Variants in PAX5 observed in about 807,000 individuals in gnomAD.
PAX5 encodes the protein paired box protein Pax-5.
In PAX5, 9 loss-of-function variants were observed where a neutral mutation model predicts 43.7. The ratio of observed to expected loss-of-function variants is 0.21; its 90% CI spans 0.12 to 0.36. The LOEUF is 0.36. Among genes scored for constraint, PAX5 ranks in the 10% least tolerant of loss-of-function variants. The pLI, the probability that PAX5 is intolerant of heterozygous loss-of-function variation, is 1.00. For synonymous variants in PAX5, 228 were observed against 214.3 expected, an observed-to-expected ratio of 1.06 and a Z score of -0.56; for missense variants, 383 against 532.7, an observed-to-expected ratio of 0.72 and a Z score of 2.77.
At chr9:36,873,427 A>G (rs558818215) in intron 8 of PAX5, among the ~76,000 whole-genome samples, 1 of 152,186 alleles carries the variant, frequency 6.6e-6, no homozygotes, top group Admixed American at 6.5e-5. Context: ...CCCCAGGGTC[A>G]AGTCTGTGTT....
rs992926794 is a variant in PAX5 at position 36,961,734 on chromosome 9, C to T, written c.780+4815G>A. ...CGCCGGAGGAGGGACCCGCTCCCAA[C>T]AGGAGCGCTGCGCCGACGACAACGT... is the stretch of plus-strand genomic sequence containing the variant. On this transcript the variant is annotated intron_variant, in intron 6 of 9. Coordinates refer to ENST00000358127, the MANE Select transcript of PAX5 (RefSeq NM_016734.3). Among the ~76,000 whole-genome samples the T allele has an allele frequency of 2.6e-5, 4 of 152,304 alleles. No individual in the cohort carries two copies. The East Asian group carries it at 7.7e-4, about 29-fold the overall frequency.
intron 7 of PAX5, among the ~76,000 whole-genome samples, chr9:36,919,297 A>G (rs1281460663): frequency 1.3e-5 from 2 of 152,214 alleles, no homozygotes; most frequent in Non-Finnish European, 2.9e-5. Context: ...CTGCTTATTG[A>G]CAATGCACCT....
rs1335750768 is a variant in PAX5 at position 36,835,460 on chromosome 9, C to T, written c.*5100G>A. On this transcript the variant is annotated 3_prime_UTR_variant, in exon 10 of 10. Coordinates refer to ENST00000358127, the MANE Select transcript of PAX5 (RefSeq NM_016734.3). ...GAGGCCCTTGGGACCTGGCGCCACA[C>T]GAGGTGCAGCCGAGCTGACAGTGGG... 5 of 232,552 alleles carry T rather than the reference C, an allele frequency of 2.2e-5. No individual in the cohort carries two copies. In the South Asian group the frequency reaches 5.4e-4, roughly 25 times the overall value. The allele number at this position is 232,552 out of a possible 1,614,324, so 14.4% of individuals were successfully genotyped here.
intron 9 of PAX5, 55 bp downstream of exon 9, chr9:36,846,788 C>G (rs1822618950): frequency 7.5e-7 from 1 of 1,324,538 alleles, no homozygotes; most frequent in Non-Finnish European, 1.1e-6. Flanking sequence ...GTGAGGAGGC[C>G]TGGATGGGGT....
intron 7 of PAX5, among the ~76,000 whole-genome samples, chr9:36,890,727 A>G (rs1827306676): frequency 6.6e-6 from 1 of 152,040 alleles, no homozygotes; most frequent in African/African-American, 2.4e-5. Flanking sequence ...TGGCCTCCAC[A>G]CTCTTGCCCA....
intron 8 of PAX5, among the ~76,000 whole-genome samples, chr9:36,851,322 A>T (rs754893349): frequency 6.6e-6 from 1 of 152,174 alleles, no homozygotes; most frequent in Non-Finnish European, 1.5e-5. Context: ...GTAGAAGAAC[A>T]TTGAAGAAGT....
chr9:36,970,747 C>T (rs532325731), intron 5 of PAX5, among the ~76,000 whole-genome samples: 4 of 152,180 alleles, frequency 2.6e-5, no homozygotes, highest in African/African-American at 9.6e-5. Context: ...CCAGACACAG[C>T]CAGAAGCACA....
intron 5 of PAX5, among the ~76,000 whole-genome samples, chr9:36,978,509 A>G (rs1428267474): frequency 6.6e-6 from 1 of 152,088 alleles, no homozygotes; most frequent in African/African-American, 2.4e-5. Context: ...CACAGAAATA[A>G]ATAAATAAAT....
chr9:36,933,338 G>T (rs528687257), intron 6 of PAX5, among the ~76,000 whole-genome samples: 1 of 152,256 alleles, frequency 6.6e-6, no homozygotes, highest in South Asian at 2.1e-4. Flanking sequence ...TCTTCCTGGT[G>T]CCCTGCCCTG....
At chr9:36,857,402 C>T (rs1563897863) in intron 8 of PAX5, among the ~76,000 whole-genome samples, 1 of 152,172 alleles carries the variant, frequency 6.6e-6, no homozygotes. Flanking sequence ...CAGAGCTAGG[C>T]CCCCAGTAAG....
At position 37,025,597 on chromosome 9, in the gene PAX5, C is replaced by T. The variant is rs761260460; in HGVS notation, c.47-4796G>A. Among the ~76,000 whole-genome samples, 42 of 152,358 alleles carry T rather than the reference C, an allele frequency of 2.8e-4. 1 individual carries two copies. Among genetic ancestry groups the T allele is most frequent in the African/African-American group, 6.5e-4 (27 of 41,588 alleles). ...CAGAAAGGAAACGCGATTCGTTCCA[C>T]TTGGAATTTCCTTGAAATCTCCGAA... On this transcript the variant is annotated intron_variant, in intron 1 of 9. Coordinates refer to ENST00000358127, the MANE Select transcript of PAX5 (RefSeq NM_016734.3).
At chr9:36,893,281 A>T (rs958012121) in intron 7 of PAX5, among the ~76,000 whole-genome samples, 2 of 152,192 alleles carry the variant, frequency 1.3e-5, no homozygotes, top group Admixed American at 1.3e-4. Context: ...TCTCGCGTTC[A>T]AGGACAGCAT....
At chr9:36,995,528 A>G (rs1210347360) in intron 5 of PAX5, among the ~76,000 whole-genome samples, 1 of 152,200 alleles carries the variant, frequency 6.6e-6, no homozygotes, top group Non-Finnish European at 1.5e-5. Context: ...GGCTGTCAAC[A>G]GTGGGGATGG....
At chr9:36,974,395 CA>C (rs1490103367) in intron 5 of PAX5, among the ~76,000 whole-genome samples, 1 of 152,120 alleles carries the variant, frequency 6.6e-6, no homozygotes, top group Non-Finnish European at 1.5e-5. Context: ...GGCACTGAGC[CA>C]AGTTATTTGT....
chr9:36,845,605 TCC>T (rs1184984599), intron 9 of PAX5, among the ~76,000 whole-genome samples: 1 of 152,096 alleles, frequency 6.6e-6, no homozygotes, highest in African/African-American at 2.4e-5. Context: ...TCTTATTGAA[TCC>T]CCAAGTCATG....
chr9:36,895,350 C>T (rs1476483935), intron 7 of PAX5, among the ~76,000 whole-genome samples: 3 of 152,176 alleles, frequency 2.0e-5, no homozygotes, highest in East Asian at 1.9e-4. Context: ...GCCTTACTTG[C>T]GTCACCTCAT....
At chr9:37,026,107 C>A (rs1396739604) in intron 1 of PAX5, among the ~76,000 whole-genome samples, 1 of 152,244 alleles carries the variant, frequency 6.6e-6, no homozygotes, top group Non-Finnish European at 1.5e-5. Flanking sequence ...TCCCTCCAAG[C>A]GCCAGTCTGG....
rs371922622 is a variant in PAX5, at chr9:36,975,386, C to CTT, written c.605-8664_605-8663dup. On this transcript the variant is annotated intron_variant, in intron 5 of 9. Coordinates refer to ENST00000358127, the MANE Select transcript of PAX5 (RefSeq NM_016734.3). ...CAAGCCCATGATATTTGAGCAATTTCTTTTTTTTTTGTTTTTTGAGACGGA... is the reference window on the plus strand; with the variant it reads ...CAAGCCCATGATATTTGAGCAATTTCTTTTTTTTTTTTGTTTTTTGAGACGGA... Among the ~76,000 whole-genome samples, 35 of 146,944 alleles carry CTT rather than the reference C, an allele frequency of 2.4e-4. 1 individual carries two copies. Among genetic ancestry groups the CTT allele is most frequent in the African/African-American group, 6.2e-4 (25 of 40,200 alleles).
intron 6 of PAX5, among the ~76,000 whole-genome samples, chr9:36,961,076 C>T (rs1377120641): frequency 6.6e-6 from 1 of 152,206 alleles, no homozygotes; most frequent in East Asian, 1.9e-4. Flanking sequence ...AAACCACATC[C>T]TCTTTCTCCC....
Sources: allele counts gnomAD v4.1 joint callset (sites outside exome capture counted in the v4.1 genomes callset), GRCh38; gene constraint gnomAD v4.1.1; transcripts MANE v1.5; gene names NCBI Gene and HGNC (gene_info 2026-07-23, HGNC 2026-07-21).